Variants in PTPRT observed in about 807,000 individuals in gnomAD.
PTPRT encodes receptor-type tyrosine-protein phosphatase T.
In PTPRT, 56 loss-of-function variants were observed where a neutral mutation model predicts 176.8. That is an observed-to-expected ratio of 0.32 (90% CI 0.26 to 0.40). The LOEUF (loss-of-function observed/expected upper bound fraction) is 0.40, where lower values mean the gene tolerates loss of function less well. Among genes scored for constraint, PTPRT ranks in the 10% least tolerant of loss-of-function variants. The pLI is 1.00. For synonymous variants in PTPRT, 783 were observed against 739.0 expected, an observed-to-expected ratio of 1.06 and a Z score of -0.96; for missense variants, 1,540 against 1,908.2, an observed-to-expected ratio of 0.81 and a Z score of 3.60.
chr20:43,141,590 G>A (rs1891089), intron 1 of PTPRT, among the ~76,000 whole-genome samples: 5,672 of 152,274 alleles, frequency 0.037, 133 homozygotes, highest in Non-Finnish European at 0.052. Context: ...TCCAAGCCCA[G>A]ATTCAAAGGG....
intron 7 of PTPRT, among the ~76,000 whole-genome samples, chr20:42,492,447 TA>T (rs1462228198): frequency 2.0e-5 from 3 of 152,086 alleles, no homozygotes; most frequent in African/African-American, 7.3e-5. Context: ...CTAATCATGT[TA>T]AACATTTTCT....
chr20:42,283,768 T>G (rs962327267), intron 12 of PTPRT, among the ~76,000 whole-genome samples: 5 of 152,098 alleles, frequency 3.3e-5, no homozygotes, highest in Non-Finnish European at 7.4e-5. Flanking sequence ...CACATGGCCA[T>G]GCCTAATTTT....
intron 1 of PTPRT, among the ~76,000 whole-genome samples, chr20:43,097,960 A>G (rs1312050714): frequency 3.9e-5 from 6 of 152,158 alleles, no homozygotes; most frequent in African/African-American, 1.4e-4. Flanking sequence ...CGCGGGCTGT[A>G]CAAAGCAAGC....
At chr20:42,925,014 A>C (rs1292399850) in intron 1 of PTPRT, among the ~76,000 whole-genome samples, 1 of 152,216 alleles carries the variant, frequency 6.6e-6, no homozygotes, top group Non-Finnish European at 1.5e-5. Flanking sequence ...CTGCGGCTGC[A>C]TTGAGCCTTT....
intron 2 of PTPRT, among the ~76,000 whole-genome samples, chr20:42,861,300 T>C (rs545926644): frequency 4.1e-4 from 62 of 152,360 alleles, no homozygotes; most frequent in African/African-American, 1.4e-3. Context: ...ATCCAATCTC[T>C]ATTTCATTAA....
chr20:43,012,138 T>G (rs1198997324), intron 1 of PTPRT, among the ~76,000 whole-genome samples: 2 of 152,096 alleles, frequency 1.3e-5, no homozygotes, highest in Middle Eastern at 3.2e-3. Context: ...ACCATGTGAG[T>G]CAATACTCCT....
intron 27 of PTPRT, 94 bp from the exon 28 acceptor site, chr20:42,085,947 T>A: frequency 7.3e-7 from 1 of 1,363,006 alleles, no homozygotes; most frequent in Non-Finnish European, 9.9e-7. Context: ...TCTTTTTTTC[T>A]TTTTCTTTTT....
intron 23 of PTPRT, among the ~76,000 whole-genome samples, chr20:42,108,593 A>G (rs1237269985): frequency 6.6e-6 from 1 of 152,238 alleles, no homozygotes; most frequent in Non-Finnish European, 1.5e-5. Context: ...ATTATATTCA[A>G]CAAATATTTA....
Position 42,791,182 on chromosome 20 carries a change from T to C in PTPRT, c.486+13A>G, listed in dbSNP as rs1273187762. 6 of 1,553,296 alleles carry C rather than the reference T, an allele frequency of 3.9e-6. No individual in the cohort carries two copies. Among genetic ancestry groups the C allele is most frequent in the Non-Finnish European group, 5.2e-6 (6 of 1,151,468 alleles). On this transcript the variant is annotated intron_variant, in intron 3 of 30. Coordinates refer to ENST00000373187, the MANE Select transcript of PTPRT (RefSeq NM_007050.6). ...CAAATTTTCAAAAATAAAACCATGGTAAAATGCCATACCTGATAGAAATGT... is the reference window on the plus strand; with the variant it reads ...CAAATTTTCAAAAATAAAACCATGGCAAAATGCCATACCTGATAGAAATGT...
chr20:43,172,487 A>G (rs531333845), intron 1 of PTPRT, among the ~76,000 whole-genome samples: 45 of 152,338 alleles, frequency 3.0e-4, no homozygotes, highest in African/African-American at 9.6e-4. Context: ...TGCGTTTTCA[A>G]TGAGCACTGA....
intron 7 of PTPRT, among the ~76,000 whole-genome samples, chr20:42,569,746 A>C (rs1329941670): frequency 6.6e-6 from 1 of 152,206 alleles, no homozygotes; most frequent in Non-Finnish European, 1.5e-5. Flanking sequence ...ATTCTTTCAC[A>C]CAAGATCACT....
intron 10 of PTPRT, among the ~76,000 whole-genome samples, chr20:42,351,410 T>C (rs2058281921): frequency 6.6e-6 from 1 of 152,304 alleles, no homozygotes; most frequent in East Asian, 1.9e-4. Context: ...TCCATCCACT[T>C]GACAGAACAT....
At chr20:43,145,451 T>C (rs76219513) in intron 1 of PTPRT, among the ~76,000 whole-genome samples, 2,717 of 152,308 alleles carry the variant, frequency 0.018, 74 homozygotes, top group African/African-American at 0.061. Flanking sequence ...CACAATTCAC[T>C]TCAGATGCAC....
intron 7 of PTPRT, 24 bp downstream of exon 7, chr20:42,677,842 G>T (rs2146063393): frequency 1.4e-6 from 2 of 1,477,912 alleles, no homozygotes; most frequent in Non-Finnish European, 1.8e-6. Flanking sequence ...TCATAATGGA[G>T]CCTGGGAAAA....
intron 2 of PTPRT, among the ~76,000 whole-genome samples, chr20:42,807,790 T>C (rs377628219): frequency 6.6e-6 from 1 of 152,222 alleles, no homozygotes; most frequent in Admixed American, 6.5e-5. Flanking sequence ...TTTTACTAAT[T>C]ATGTGCCCGC....
At chr20:42,710,871 G>A (rs2076134364) in intron 6 of PTPRT, among the ~76,000 whole-genome samples, 1 of 152,250 alleles carries the variant, frequency 6.6e-6, no homozygotes, top group Non-Finnish European at 1.5e-5. Context: ...ACAGGGACAG[G>A]AATGCCCAAG....
chr20:42,180,828 C>T (rs1031518592), intron 16 of PTPRT, among the ~76,000 whole-genome samples: 8 of 152,250 alleles, frequency 5.3e-5, no homozygotes, highest in Non-Finnish European at 8.8e-5. Flanking sequence ...CAGAGGTGTC[C>T]GCATATTTCT....
At chr20:42,786,301 G>T (rs1259677994) in intron 3 of PTPRT, among the ~76,000 whole-genome samples, 3 of 152,166 alleles carry the variant, frequency 2.0e-5, no homozygotes, top group Admixed American at 6.5e-5. Flanking sequence ...TTCATCTGCA[G>T]AAGGTCCTAT....
intron 11 of PTPRT, among the ~76,000 whole-genome samples, chr20:42,350,235 T>G (rs111791147): frequency 1.1e-4 from 16 of 145,326 alleles, no homozygotes; most frequent in African/African-American, 2.6e-4. Context: ...TTTTTTTTTT[T>G]TTTTTTTTTT....
Sources: allele counts gnomAD v4.1 joint callset (sites outside exome capture counted in the v4.1 genomes callset), GRCh38; gene constraint gnomAD v4.1.1; transcripts MANE v1.5; gene names NCBI Gene and HGNC (gene_info 2026-07-23, HGNC 2026-07-21).